The following AAAS variants were observed in gnomAD, a reference collection of about 807,000 sequenced individuals.
The protein encoded by AAAS is aladin WD repeat nucleoporin.
Under a neutral mutation model 75.6 loss-of-function variants are expected in AAAS, and 60 were observed. The ratio of observed to expected loss-of-function variants is 0.79; its 90% CI spans 0.64 to 0.98. AAAS has a LOEUF of 0.98. AAAS is among the 50% of genes least tolerant of loss of function. AAAS has a pLI of 0.00. For synonymous variants in AAAS, 271 were observed against 265.0 expected (o/e 1.02, Z -0.22); for missense variants, 658 against 686.9 (o/e 0.96, Z 0.47).
At chr12:53,316,079 TC>T (rs773414158) in intron 2 of AAAS, among the ~76,000 whole-genome samples, 10 of 152,188 alleles carry the variant, frequency 6.6e-5, no homozygotes, top group Non-Finnish European at 1.3e-4. Flanking sequence ...ATGGAAGGGT[TC>T]TAAGGAGAAG....
At chr12:53,315,641 G>A (rs1411492843) in intron 3 of AAAS, 86 bp downstream of exon 3, 6 of 1,511,214 alleles carry the variant, frequency 4.0e-6, no homozygotes, top group African/African-American at 1.4e-5. Flanking sequence ...AAAAGAGGCT[G>A]AGCCAACAGG....
At chr12:53,318,443 C>T (rs190405297) in intron 2 of AAAS, among the ~76,000 whole-genome samples, 29 of 152,196 alleles carry the variant, frequency 1.9e-4, no homozygotes, top group Non-Finnish European at 2.9e-5. Flanking sequence ...GAACTCCTGA[C>T]CTCAAGTGAT....
chr12:53,315,269 G>A, intron 4 of AAAS, 66 bp downstream of exon 4: 1 of 1,600,202 alleles, frequency 6.2e-7, no homozygotes, highest in South Asian at 1.1e-5. Flanking sequence ...TGCAAGGATA[G>A]GAATGAGGGC....
intron 15 of AAAS, 61 bp downstream of exon 15, chr12:53,307,784 A>T: frequency 1.2e-6 from 2 of 1,612,782 alleles, no homozygotes; most frequent in Non-Finnish European, 1.7e-6. Context: ...GCCATACAGC[A>T]GCCAAGGCCC....
Position 53,308,968 on chromosome 12 carries a change from G to T in AAAS, c.988C>A (p.Arg330Ser). The change falls in exon 10 of 16, where the codon CGC becomes AGC. Residue 330 changes from arginine to serine, a missense_variant. Coordinates refer to ENST00000209873, the MANE Select transcript of AAAS (RefSeq NM_015665.6). ...TCERWPTLSG[R>S]CQTGCWSPDG... ...TCAGAGTCCCCTCTTACCTGACAGC[G>T]CCCTGATAGAGTAGGCCACCTCTCA... 3 of 1,614,174 alleles carry T rather than the reference G, an allele frequency of 1.9e-6. No individual in the cohort carries two copies. Among genetic ancestry groups the T allele is most frequent in the Non-Finnish European group, 2.5e-6 (3 of 1,180,038 alleles).
At chr12:53,320,042 C>T (rs1302944403) in intron 2 of AAAS, among the ~76,000 whole-genome samples, 3 of 151,810 alleles carry the variant, frequency 2.0e-5, no homozygotes, top group Non-Finnish European at 4.4e-5. Flanking sequence ...ATCGCTTGAA[C>T]CTGGGAGGTG....
In AAAS at chr12:53,316,764, CAAAAAAAAA is replaced by C. The variant is rs34520642; in HGVS notation, c.252-991_252-983del. 2.9e-4 allele frequency among the ~76,000 whole-genome samples: 22 copies of C among 77,192 alleles called. No individual in the cohort carries two copies. The East Asian group carries it at 4.8e-3, about 17-fold the overall frequency. The allele number at this position is 77,192 out of a possible 152,430, so 50.6% of individuals were successfully genotyped here. ...CAACAGAGCAAGACTCCATCTCAGACAAAAAAAAAAAAAAAAAAAAAGAAGAGAAAAAAT... is the reference window on the plus strand; with the variant it reads ...CAACAGAGCAAGACTCCATCTCAGACAAAAAAAAAAAAGAAGAGAAAAAAT... On this transcript the variant is annotated intron_variant, in intron 2 of 15. Transcript: ENST00000209873.
chr12:53,309,636 G>A lies in AAAS; in HGVS notation c.775C>T (p.Leu259=). The change falls in exon 8 of 16, where the codon CTG becomes TTG. Residue 259 remains leucine, a synonymous_variant. Coordinates refer to ENST00000209873, the MANE Select transcript of AAAS (RefSeq NM_015665.6). ...GCATCCACGGGTGAAGCTGAGAGCA[G>A]CCGCCCCCCACTGGGGGCCCAGGCC... is the stretch of plus-strand genomic sequence containing the variant. ...SLAWAPSGGR[L]LSASPVDAAI... is the part of the protein sequence containing the mutation. The A allele has an allele frequency of 6.2e-7, 1 of 1,613,596 alleles. No homozygotes were observed. Among genetic ancestry groups the A allele is most frequent in the Non-Finnish European group, 8.5e-7 (1 of 1,179,922 alleles).
intron 5 of AAAS, 46 bp from the exon 6 acceptor site, chr12:53,314,895 C>T (rs775439618): frequency 1.6e-5 from 25 of 1,571,714 alleles, no homozygotes; most frequent in Middle Eastern, 1.7e-4. Context: ...TATCCCTACC[C>T]TAGCCCAGAA....
At position 53,320,698 on chromosome 12, in the gene AAAS, G is replaced by A. The variant is rs764899030; in HGVS notation, c.124-6C>T. 1 of 1,613,968 alleles carries A rather than the reference G, an allele frequency of 6.2e-7. No individual in the cohort carries two copies. The highest frequency in any genetic ancestry group is 8.5e-7 in the Non-Finnish European group (1 of 1,179,902). ...AGGACAGGAAGATTGATCCACTATA[G>A]CACAAAAGTGAGGAGTGTGACGGTG... On this transcript the variant is annotated splice_polypyrimidine_tract_variant and splice_region_variant and intron_variant, in intron 1 of 15. Transcript: ENST00000209873.
At position 53,308,779 on chromosome 12, in the gene AAAS, A is replaced by G; in HGVS notation, c.1033T>C (p.Phe345Leu). The change falls in exon 11 of 16, where the codon TTC becomes CTC. Residue 345 changes from phenylalanine (F) to leucine (L), a missense_variant. Coordinates refer to ENST00000209873, the MANE Select transcript of AAAS (RefSeq NM_015665.6). ...CWSPDGSRLL[F>L]TVLGEPLIYS... The stretch of plus-strand genomic sequence containing the variant: ...ATCAGTGGCTCTCCCAATACAGTGA[A>G]CAGCAGTCGGCTGCCATCTGGGCTC... 1.9e-6 allele frequency: 3 copies of G among 1,614,156 alleles called. No individual in the cohort carries two copies. Among genetic ancestry groups the G allele is most frequent in the South Asian group, 1.1e-5 (1 of 91,084 alleles).
chr12:53,312,881 G>C (rs1361261868), intron 7 of AAAS, among the ~76,000 whole-genome samples: 4 of 144,030 alleles, frequency 2.8e-5, no homozygotes, highest in African/African-American at 1.0e-4. Flanking sequence ...TTTTGAGACA[G>C]AGTCTTGCTT....
At chr12:53,320,723 G>A (rs779137107) in intron 1 of AAAS, 31 bp from the exon 2 acceptor site, 1 of 1,612,780 alleles carries the variant, frequency 6.2e-7, no homozygotes, top group Admixed American at 1.7e-5. Flanking sequence ...GTGTGACGGT[G>A]ATTCAGTCTC....
rs34451260 is a variant in AAAS, at chr12:53,307,533, C to T, written c.1597G>A (p.Gly533Arg). 2,357 of 1,614,100 alleles carry T rather than the reference C, an allele frequency of 1.5e-3. 37 individuals carry two copies. The African/African-American group carries it at 0.027, about 19-fold the overall frequency. The part of the protein sequence containing the change: ...PTSAPWDPLP[G>R]PPPVLPHSPH... ...GAGTGGGGCAGAACAGGTGGTGGCC[C>T]TGGGAGAGGGTCCCAAGGGGCAGAG... Residue 533 changes from glycine to arginine, a missense_variant, in exon 16 of 16, where the codon GGG becomes AGG. Coordinates refer to ENST00000209873, the MANE Select transcript of AAAS (RefSeq NM_015665.6).
At chr12:53,320,390 T>C (rs577917000) in intron 2 of AAAS, among the ~76,000 whole-genome samples, 175 bp downstream of exon 2, 2 of 152,338 alleles carry the variant, frequency 1.3e-5, no homozygotes, top group South Asian at 2.1e-4. Context: ...TGACATTTAT[T>C]GAGCATTTGA....
intron 7 of AAAS, among the ~76,000 whole-genome samples, chr12:53,312,864 T>A (rs538891884): frequency 0.14 from 1,344 of 9,348 alleles, 16 homozygotes; most frequent in Middle Eastern, 0.5. Context: ...ATATATATAT[T>A]TTTTTTTTTT....
chr12:53,309,842 G>A, intron 7 of AAAS, 121 bp from the exon 8 acceptor site: 1 of 1,457,586 alleles, frequency 6.9e-7, no homozygotes, highest in South Asian at 1.2e-5. Context: ...CTCAAATCCA[G>A]GTTGTGAAAA....
In AAAS at chr12:53,320,613, G is replaced by C; in HGVS notation, c.203C>G (p.Ala68Gly). ...CACTTGCTCCCGGTGATGGATGAAG[G>C]CAGTTCTTGTGCCATGGTCCAGCCT... ...PGRLDHGTRT[A>G]FIHHREQVWK... The change falls in exon 2 of 16, where the codon GCC becomes GGC. Residue 68 changes from alanine to glycine, a missense_variant. Transcript: ENST00000209873. The C allele has an allele frequency of 6.2e-7, 1 of 1,614,144 alleles. No individual in the cohort carries two copies. Among genetic ancestry groups the C allele is most frequent in the African/African-American group, 1.3e-5 (1 of 75,026 alleles).
Position 53,307,926 on chromosome 12 carries a change from G to C in AAAS, c.1335C>G (p.Gly445=), listed in dbSNP as rs1254181043. ...GGGCTCCTGGCTCCCCCTGGATAAT[G>C]CCACTAGAAGAAAAGGTGAGCAGGC... ...NSPVFELLPC[G]IIQGEPGAQP... is the part of the protein sequence containing the mutation. Residue 445 remains glycine, a synonymous_variant, in exon 15 of 16, where the codon GGC becomes GGG. Transcript: ENST00000209873. The C allele has an allele frequency of 1.2e-6, 2 of 1,614,194 alleles. No individual in the cohort carries two copies. The highest frequency in any genetic ancestry group is 4.5e-5 in the East Asian group (2 of 44,888).
Sources: allele counts gnomAD v4.1 joint callset (sites outside exome capture counted in the v4.1 genomes callset), GRCh38; gene constraint gnomAD v4.1.1; transcripts MANE v1.5; gene names NCBI Gene and HGNC (gene_info 2026-07-23, HGNC 2026-07-21).